The following TGFBR3 variants were observed in gnomAD, a reference collection of about 807,000 sequenced individuals.
TGFBR3 encodes transforming growth factor beta receptor 3.
TGFBR3 carries 46 observed loss-of-function variants against 87.9 expected under a neutral mutation model. The ratio of observed to expected loss-of-function variants is 0.52; its 90% confidence interval spans 0.41 to 0.67. The LOEUF is 0.67. Among genes scored for constraint, TGFBR3 ranks in the 30% least tolerant of loss-of-function variants. The probability of loss-of-function intolerance (pLI) is 0.00; values close to 1 mark genes in which losing one functional copy is unlikely to be tolerated. For synonymous variants in TGFBR3, 381 were observed against 391.6 expected, an observed-to-expected ratio of 0.97 and a Z score of 0.32; for missense variants, 866 against 1,041.9, an observed-to-expected ratio of 0.83 and a Z score of 2.32.
intron 12 of TGFBR3, among the ~76,000 whole-genome samples, chr1:91,715,180 T>C (rs1279119494): frequency 6.6e-6 from 1 of 152,206 alleles, no homozygotes; most frequent in Non-Finnish European, 1.5e-5. Flanking sequence ...GGTTGAAACA[T>C]GAAAGGTTGT....
intron 3 of TGFBR3, among the ~76,000 whole-genome samples, chr1:91,760,131 A>T (rs948086783): frequency 2.6e-5 from 4 of 152,236 alleles, no homozygotes; most frequent in Non-Finnish European, 5.9e-5. Flanking sequence ...ATGCCACAAA[A>T]ATATTCTATG....
chr1:91,856,420 A>C (rs1173116941), intron 2 of TGFBR3, among the ~76,000 whole-genome samples: 2 of 150,556 alleles, frequency 1.3e-5, no homozygotes, highest in African/African-American at 2.4e-5. Flanking sequence ...ATATCCCCCG[A>C]CCCACCCGGC....
intron 16 of TGFBR3, among the ~76,000 whole-genome samples, chr1:91,685,041 A>C (rs1183520857): frequency 1.3e-5 from 2 of 152,088 alleles, no homozygotes; most frequent in Non-Finnish European, 2.9e-5. Flanking sequence ...CATTACTTCC[A>C]TTCTCTTTCT....
rs921802812 is a variant in TGFBR3, at chr1:91,712,369, T to C, written c.2040A>G (p.Gln680=). 6.2e-6 allele frequency: 10 copies of C among 1,614,224 alleles called. No homozygotes were observed. The highest frequency in any genetic ancestry group is 8.5e-6 in the Non-Finnish European group (10 of 1,180,038). The change falls in exon 13 of 17, where the codon CAA becomes CAG. Residue 680 remains glutamine, a synonymous_variant. Coordinates refer to ENST00000212355, the MANE Select transcript of TGFBR3 (RefSeq NM_003243.5). ...TGAATCGCTTCTTATCCATGTCAGC[T>C]TGCGGGATAGGAAAGTGCACTCTCT... ...SPKRVHFPIP[Q]ADMDKKRFSF...
chr1:91,870,326 T>C (rs1678537992), intron 1 of TGFBR3, among the ~76,000 whole-genome samples: 1 of 152,220 alleles, frequency 6.6e-6, no homozygotes, highest in African/African-American at 2.4e-5. Context: ...ATTTGTTCCA[T>C]GTTATCTTCT....
intron 1 of TGFBR3, among the ~76,000 whole-genome samples, chr1:91,865,867 G>T (rs973689766): frequency 1.3e-5 from 2 of 149,414 alleles, no homozygotes; most frequent in Non-Finnish European, 3.0e-5. Flanking sequence ...AGCTGAGATC[G>T]CGCCACTGCA....
chr1:91,715,549 A>T (rs1291438909), intron 12 of TGFBR3, among the ~76,000 whole-genome samples: 2 of 152,372 alleles, frequency 1.3e-5, no homozygotes, highest in Non-Finnish European at 2.9e-5. Context: ...GCACATAATA[A>T]ATCTGCAGCA....
intron 2 of TGFBR3, among the ~76,000 whole-genome samples, chr1:91,820,777 A>G (rs1676421038): frequency 6.6e-6 from 1 of 152,262 alleles, no homozygotes; most frequent in Non-Finnish European, 1.5e-5. Context: ...TTGTACAGAC[A>G]GAAATATCTT....
chr1:91,713,792 A>G (rs1390807900), intron 12 of TGFBR3, among the ~76,000 whole-genome samples: 1 of 152,148 alleles, frequency 6.6e-6, no homozygotes, highest in Non-Finnish European at 1.5e-5. Flanking sequence ...GAAAAACAAG[A>G]TATTCTATCT....
intron 2 of TGFBR3, among the ~76,000 whole-genome samples, chr1:91,837,252 A>ATTT (rs1677098511): frequency 6.6e-6 from 1 of 151,750 alleles, no homozygotes; most frequent in African/African-American, 2.4e-5. Context: ...TTATTTATTT[A>ATTT]ATTTTCCAAG....
At chr1:91,851,626 T>G (rs140059242) in intron 2 of TGFBR3, among the ~76,000 whole-genome samples, 1 of 152,204 alleles carries the variant, frequency 6.6e-6, no homozygotes, top group African/African-American at 2.4e-5. Context: ...TAATTTCCTA[T>G]ATACACAACC....
At chr1:91,860,770 A>C (rs943380214) in intron 2 of TGFBR3, among the ~76,000 whole-genome samples, 4 of 151,892 alleles carry the variant, frequency 2.6e-5, no homozygotes, top group Non-Finnish European at 5.9e-5. Flanking sequence ...TGTCTCTATT[A>C]AAAATACAAA....
chr1:91,873,348 T>C (rs1037925038), intron 1 of TGFBR3, among the ~76,000 whole-genome samples: 11 of 145,604 alleles, frequency 7.6e-5, no homozygotes, highest in Admixed American at 7.1e-4. Flanking sequence ...AGTGGCACTA[T>C]CTCAGATCAC....
chr1:91,687,803 TC>T (rs1443341956), intron 16 of TGFBR3, among the ~76,000 whole-genome samples: 1 of 152,182 alleles, frequency 6.6e-6, no homozygotes, highest in Non-Finnish European at 1.5e-5. Context: ...TTATGGAATC[TC>T]CTTCTCAGGA....
At chr1:91,713,510 T>C (rs755616719) in intron 12 of TGFBR3, among the ~76,000 whole-genome samples, 14 of 152,182 alleles carry the variant, frequency 9.2e-5, no homozygotes, top group Non-Finnish European at 1.9e-4. Context: ...TAAACACTTG[T>C]AGAAACAGCT....
intron 2 of TGFBR3, among the ~76,000 whole-genome samples, chr1:91,819,334 T>G (rs1212309560): frequency 6.6e-6 from 1 of 151,752 alleles, no homozygotes; most frequent in African/African-American, 2.4e-5. Context: ...CGCCACTGTA[T>G]TCCAGCCTGG....
At chr1:91,760,579 A>C (rs773755216) in intron 3 of TGFBR3, among the ~76,000 whole-genome samples, 5 of 152,254 alleles carry the variant, frequency 3.3e-5, no homozygotes, top group Non-Finnish European at 7.3e-5. Context: ...AAAGGAATTT[A>C]GCTGGCTAAT....
chr1:91,841,793 CAAAAAAAA>C (rs57953815), intron 2 of TGFBR3, among the ~76,000 whole-genome samples: 1 of 88,824 alleles, frequency 1.1e-5, no homozygotes, highest in Non-Finnish European at 2.2e-5. Context: ...GACTCCATCT[CAAAAAAAA>C]AAAAAAAAAA....
chr1:91,872,897 G>C (rs1678635826), intron 1 of TGFBR3, among the ~76,000 whole-genome samples: 1 of 150,976 alleles, frequency 6.6e-6, no homozygotes, highest in African/African-American at 2.4e-5. Flanking sequence ...AGTCCAACGA[G>C]TCTTAAATGA....
Sources: gnomAD v4.1 joint callset for allele counts (sites outside exome capture counted in the v4.1 genomes callset) on GRCh38, gnomAD v4.1.1 for gene constraint, MANE v1.5 for transcripts, NCBI Gene and HGNC (gene_info 2026-07-23, HGNC 2026-07-21) for gene names.